Variants in IQGAP2 observed in about 807,000 individuals in gnomAD.
The protein encoded by IQGAP2 is IQ motif containing GTPase activating protein 2.
IQGAP2 carries 173 observed loss-of-function variants against 201.3 expected under a neutral mutation model. The observed-to-expected ratio is 0.86, with a 90% CI of 0.76 to 0.98. The LOEUF is 0.98. Among genes scored for constraint, IQGAP2 ranks in the 50% least tolerant of loss-of-function variants. The pLI is 0.00. For missense variants in IQGAP2, 1,687 were observed against 1,864.8 expected, an observed-to-expected ratio of 0.90 and a Z score of 1.76; for synonymous variants, 675 against 673.9, an observed-to-expected ratio of 1.00 and a Z score of -0.03.
chr5:76,577,217 G>A (rs1745529936), intron 5 of IQGAP2, among the ~76,000 whole-genome samples: 1 of 88,590 alleles, frequency 1.1e-5, no homozygotes, highest in Non-Finnish European at 2.2e-5. Flanking sequence ...CAAATGGTAT[G>A]CTAAGTTCCT....
At chr5:76,648,761 G>A (rs909757583) in intron 17 of IQGAP2, among the ~76,000 whole-genome samples, 1 of 152,226 alleles carries the variant, frequency 6.6e-6, no homozygotes, top group Non-Finnish European at 1.5e-5. Flanking sequence ...AGTAACAGAT[G>A]TGGAAACCCA....
At chr5:76,404,021 A>C (rs999751179) in intron 1 of IQGAP2, among the ~76,000 whole-genome samples, 12 of 152,184 alleles carry the variant, frequency 7.9e-5, no homozygotes, top group Non-Finnish European at 4.4e-5. Flanking sequence ...ACAGGTGGGC[A>C]CCGCAAGTAG....
chr5:76,487,044 A>G (rs1292974532), intron 2 of IQGAP2, among the ~76,000 whole-genome samples: 2 of 151,722 alleles, frequency 1.3e-5, no homozygotes, highest in African/African-American at 2.4e-5. Flanking sequence ...AATATATAAT[A>G]GTGACATTTT....
intron 1 of IQGAP2, among the ~76,000 whole-genome samples, chr5:76,427,630 C>T (rs564108937): frequency 1.3e-3 from 193 of 152,252 alleles, no homozygotes; most frequent in African/African-American, 4.2e-3. Context: ...CACTTGAATG[C>T]GCGTGTGTCA....
chr5:76,695,990 A>G (rs1256245741), intron 32 of IQGAP2, among the ~76,000 whole-genome samples: 1 of 151,716 alleles, frequency 6.6e-6, no homozygotes, highest in African/African-American at 2.4e-5. Context: ...ACAGGCACGC[A>G]CCACCACGCC....
At chr5:76,427,092 C>A (rs1287975358) in intron 1 of IQGAP2, among the ~76,000 whole-genome samples, 1 of 152,068 alleles carries the variant, frequency 6.6e-6, no homozygotes, top group East Asian at 1.9e-4. Flanking sequence ...TAGGACTGGA[C>A]AATTCTTGGT....
intron 17 of IQGAP2, among the ~76,000 whole-genome samples, chr5:76,642,487 A>G (rs1326159748): frequency 6.6e-6 from 1 of 152,174 alleles, no homozygotes; most frequent in Admixed American, 6.5e-5. Context: ...ACAATTTTCC[A>G]AAACAGAGGG....
intron 2 of IQGAP2, among the ~76,000 whole-genome samples, chr5:76,552,841 T>G (rs1212151830): frequency 6.6e-6 from 1 of 152,188 alleles, no homozygotes; most frequent in Non-Finnish European, 1.5e-5. Flanking sequence ...GAGTGAGACA[T>G]AAGTCCTCTG....
At chr5:76,647,365 A>G (rs1054816294) in intron 17 of IQGAP2, among the ~76,000 whole-genome samples, 2 of 152,082 alleles carry the variant, frequency 1.3e-5, no homozygotes, top group East Asian at 3.9e-4. Flanking sequence ...CAATGGGTAC[A>G]GGCTCTGATA....
chr5:76,659,290 A>G (rs1249206892), intron 21 of IQGAP2, among the ~76,000 whole-genome samples: 1 of 152,216 alleles, frequency 6.6e-6, no homozygotes, highest in Non-Finnish European at 1.5e-5. Context: ...TATGAATACA[A>G]AAGAGATATT....
At chr5:76,518,852 T>C (rs1243843490) in intron 2 of IQGAP2, among the ~76,000 whole-genome samples, 3 of 152,192 alleles carry the variant, frequency 2.0e-5, no homozygotes, top group African/African-American at 7.2e-5. Flanking sequence ...AAATGGCTTT[T>C]GGGTCCAGTG....
At chr5:76,534,467 T>G (rs1759505600) in intron 2 of IQGAP2, among the ~76,000 whole-genome samples, 1 of 152,232 alleles carries the variant, frequency 6.6e-6, no homozygotes, top group South Asian at 2.1e-4. Context: ...GTAGGCAACT[T>G]ACTCATTTTT....
At position 76,671,489 on chromosome 5, in the gene IQGAP2, G is replaced by C. The variant is rs1217687791; in HGVS notation, c.2844-270G>C. Reference sequence around the variant, plus strand: ...ACCTGAGATCAGGAGTTCGAGACCAGCCTGGCCAACATGGTGAAACCCCGT... The same window carrying C: ...ACCTGAGATCAGGAGTTCGAGACCACCCTGGCCAACATGGTGAAACCCCGT... On this transcript the variant is annotated intron_variant, in intron 23 of 35. Transcript: ENST00000274364. 2.0e-5 allele frequency among the ~76,000 whole-genome samples: 3 copies of C among 152,072 alleles called. No homozygotes were observed. In the East Asian group the frequency reaches 5.9e-4, roughly 30 times the overall value.
At chr5:76,417,505 G>A (rs1299416598) in intron 1 of IQGAP2, among the ~76,000 whole-genome samples, 8 of 152,034 alleles carry the variant, frequency 5.3e-5, no homozygotes, top group Non-Finnish European at 7.4e-5. Flanking sequence ...GGCAGGTCTC[G>A]AACTCCTTAC....
At chr5:76,623,705 C>G (rs1660026115) in intron 13 of IQGAP2, among the ~76,000 whole-genome samples, 2 of 152,174 alleles carry the variant, frequency 1.3e-5, no homozygotes, top group Non-Finnish European at 2.9e-5. Context: ...ATAAATTATC[C>G]TTTCCTTTAT....
At chr5:76,564,258 A>C (rs891035281) in intron 3 of IQGAP2, among the ~76,000 whole-genome samples, 1 of 152,244 alleles carries the variant, frequency 6.6e-6, no homozygotes, top group African/African-American at 2.4e-5. Flanking sequence ...AATAAATATT[A>C]GTCCACATTT....
At chr5:76,621,179 C>T (rs1239943785) in intron 13 of IQGAP2, among the ~76,000 whole-genome samples, 2 of 152,164 alleles carry the variant, frequency 1.3e-5, no homozygotes. Context: ...GCCAGTTTCT[C>T]TTCCTGCTTT....
intron 31 of IQGAP2, 135 bp downstream of exon 31, chr5:76,693,577 C>A: frequency 1.6e-6 from 1 of 632,828 alleles, no homozygotes; most frequent in East Asian, 2.8e-5. Context: ...TCTATTACTG[C>A]AGTGGACTTA....
intron 13 of IQGAP2, among the ~76,000 whole-genome samples, chr5:76,627,017 T>A (rs1750305403): frequency 7.0e-6 from 1 of 142,822 alleles, no homozygotes; most frequent in Non-Finnish European, 1.6e-5. Context: ...ACCCTGTGTT[T>A]CCTTCTAACT....
Sources: gnomAD v4.1 joint callset for allele counts (sites outside exome capture counted in the v4.1 genomes callset) on GRCh38, gnomAD v4.1.1 for gene constraint, MANE v1.5 for transcripts, NCBI Gene and HGNC (gene_info 2026-07-23, HGNC 2026-07-21) for gene names.